Variants in MYOF observed in about 807,000 individuals in gnomAD.
MYOF encodes the protein fer-1-like 3, myoferlin.
In MYOF, 244 loss-of-function variants were observed where a neutral mutation model predicts 284.2. The observed-to-expected ratio is 0.86, with a 90% CI of 0.77 to 0.95. MYOF has a LOEUF of 0.95. Ranked by LOEUF, MYOF falls within the 40% of genes least tolerant of loss-of-function variation. The probability of loss-of-function intolerance (pLI) is 0.00; values close to 1 mark genes in which losing one functional copy is unlikely to be tolerated. For missense variants in MYOF, 2,496 were observed against 2,560.6 expected (o/e 0.97, Z 0.54); for synonymous variants, 904 against 919.7 (o/e 0.98, Z 0.31).
chr10:93,308,649 T>A (rs914241859), intron 53 of MYOF, among the ~76,000 whole-genome samples: 1 of 150,956 alleles, frequency 6.6e-6, no homozygotes, highest in Non-Finnish European at 1.5e-5. Context: ...TACTCATAGA[T>A]GACAAACTAG....
intron 1 of MYOF, among the ~76,000 whole-genome samples, chr10:93,471,113 A>C (rs986814540): frequency 6.6e-6 from 1 of 152,192 alleles, no homozygotes; most frequent in African/African-American, 2.4e-5. Context: ...TCGCCCTGCC[A>C]GTCAAATATT....
At chr10:93,436,886 G>A (rs141430350) in intron 3 of MYOF, among the ~76,000 whole-genome samples, 103 of 152,212 alleles carry the variant, frequency 6.8e-4, no homozygotes, top group Non-Finnish European at 1.3e-3. Context: ...TGACAGTGAG[G>A]GGGAAGCCTT....
At chr10:93,423,338 C>A (rs752133624) in intron 5 of MYOF, among the ~76,000 whole-genome samples, 17 of 150,894 alleles carry the variant, frequency 1.1e-4, no homozygotes, top group Non-Finnish European at 1.3e-4. Context: ...ACCAGCCTGA[C>A]CAACATGGTG....
chr10:93,342,639 CTTG>C (rs1447469881), intron 38 of MYOF, among the ~76,000 whole-genome samples: 2 of 152,196 alleles, frequency 1.3e-5, no homozygotes, highest in Admixed American at 1.3e-4. Context: ...ACTGGCATAG[CTTG>C]TTGACTTTAT....
intron 1 of MYOF, among the ~76,000 whole-genome samples, chr10:93,464,141 G>A (rs2056950162): frequency 6.6e-6 from 1 of 152,136 alleles, no homozygotes; most frequent in Non-Finnish European, 1.5e-5. Context: ...GGTCTTAAAA[G>A]CAAAAACTGG....
Position 93,408,913 on chromosome 10 carries a change from G to A in MYOF, c.603C>T (p.Ile201=), listed in dbSNP as rs773318160. 71 of 1,614,066 alleles carry A rather than the reference G, an allele frequency of 4.4e-5. No individual in the cohort carries two copies. Among genetic ancestry groups the A allele is most frequent in the Non-Finnish European group, 6.0e-5 (71 of 1,180,032 alleles). The change falls in exon 7 of 54, where the codon ATC becomes ATT. Residue 201 remains isoleucine (I), a splice_region_variant and synonymous_variant. Coordinates refer to ENST00000359263, the MANE Select transcript of MYOF (RefSeq NM_013451.4). ...GTCGGCCCTCAATCACTCGGACGCG[G>A]ATCTGCAGCACAGAAGGGGGATGGT... The part of the protein sequence containing the change: ...MLSNKPQDFQ[I]RVRVIEGRQL...
At chr10:93,461,852 C>T (rs185837759) in intron 1 of MYOF, among the ~76,000 whole-genome samples, 1 of 152,298 alleles carries the variant, frequency 6.6e-6, no homozygotes, top group East Asian at 1.9e-4. Flanking sequence ...TTTTATAACT[C>T]ATGAGAAAAA....
At chr10:93,397,164 G>T in intron 15 of MYOF, 83 bp downstream of exon 15, 1 of 1,250,376 alleles carries the variant, frequency 8.0e-7, no homozygotes, top group Non-Finnish European at 1.1e-6. Flanking sequence ...CAAAATACCA[G>T]AAAGAGACAA....
At chr10:93,316,940 T>A in intron 49 of MYOF, 127 bp from the exon 50 acceptor site, 1 of 689,184 alleles carries the variant, frequency 1.5e-6, no homozygotes, top group South Asian at 1.8e-5. Context: ...TGGGCCTAAA[T>A]CCTTCCACTC....
intron 17 of MYOF, 116 bp from the exon 18 acceptor site, chr10:93,389,270 G>A (rs1427397093): frequency 1.3e-5 from 16 of 1,193,714 alleles, no homozygotes; most frequent in Non-Finnish European, 1.8e-5. Context: ...GGAGTTAGTT[G>A]TATTAATGCA....
chr10:93,320,153 G>A, intron 48 of MYOF, 140 bp from the exon 49 acceptor site: 1 of 1,012,392 alleles, frequency 9.9e-7, no homozygotes, highest in East Asian at 2.6e-5. Flanking sequence ...CTTCGGAGCT[G>A]GGGGTGATTT....
At position 93,327,773 on chromosome 10, in the gene MYOF, T is replaced by C. The variant is rs183580232; in HGVS notation, c.5131+990A>G. Among the ~76,000 whole-genome samples the C allele has an allele frequency of 1.8e-4, 27 of 152,180 alleles. No homozygotes were observed. In the East Asian group the frequency reaches 4.6e-3, roughly 26 times the overall value. ...CATAAGTTTTTTTGTTTGTTTGTTT[T>C]TTGAGACAGGATCTCACTCTGTCGC... On this transcript the variant is annotated intron_variant, in intron 45 of 53. Transcript: ENST00000359263.
intron 1 of MYOF, among the ~76,000 whole-genome samples, chr10:93,477,720 G>A (rs996026182): frequency 2.4e-4 from 36 of 151,924 alleles, no homozygotes; most frequent in Middle Eastern, 3.4e-3. Flanking sequence ...GATGGCGGGC[G>A]CCTGTAATCC....
intron 3 of MYOF, among the ~76,000 whole-genome samples, chr10:93,444,909 C>T (rs1358582046): frequency 6.6e-6 from 1 of 152,216 alleles, no homozygotes; most frequent in Non-Finnish European, 1.5e-5. Flanking sequence ...CTCAAGTCTA[C>T]TCTCTACTTC....
At chr10:93,415,168 T>C (rs1439367838) in intron 5 of MYOF, among the ~76,000 whole-genome samples, 2 of 152,084 alleles carry the variant, frequency 1.3e-5, no homozygotes, top group Non-Finnish European at 2.9e-5. Context: ...GCTTTACCCC[T>C]ACCCCAGGTT....
chr10:93,333,231 C>G lies in MYOF; in HGVS notation c.4801G>C (p.Val1601Leu). 6.2e-7 allele frequency: 1 copy of G among 1,613,944 alleles called. No individual in the cohort carries two copies. Among genetic ancestry groups the G allele is most frequent in the Non-Finnish European group, 8.5e-7 (1 of 1,179,820 alleles). ...DHYIPNTLNP[V>L]FGRMYELSCY... ...AAGAATGTATATTACCTGCCAAAGA[C>G]TGGGTTGAGAGTGTTGGGAATGTAG... Residue 1601 changes from valine (V) to leucine (L), a missense_variant, in exon 43 of 54, where the codon GTC becomes CTC. Physicochemically the swap from Val to Leu is conservative, Grantham distance 32. Transcript: ENST00000359263.
chr10:93,360,059 C>T, intron 28 of MYOF, 81 bp from the exon 29 acceptor site: 1 of 1,522,354 alleles, frequency 6.6e-7, no homozygotes, highest in Non-Finnish European at 9.1e-7. Flanking sequence ...AACATTTGTT[C>T]ACTCTCCCTG....
chr10:93,471,584 C>T (rs182130368), intron 1 of MYOF, among the ~76,000 whole-genome samples: 1 of 152,232 alleles, frequency 6.6e-6, no homozygotes, highest in East Asian at 1.9e-4. Context: ...TCAATAATAC[C>T]TACTTCCTAA....
At position 93,462,023 on chromosome 10, in the gene MYOF, T is replaced by C. The variant is rs17108718; in HGVS notation, c.89-5086A>G. Among the ~76,000 whole-genome samples, 3,397 of 152,010 alleles carry C rather than the reference T, an allele frequency of 0.022. 171 individuals are homozygous for C. In the East Asian group the frequency reaches 0.24, roughly 11 times the overall value. On this transcript the variant is annotated intron_variant, in intron 1 of 53. Coordinates refer to ENST00000359263, the MANE Select transcript of MYOF (RefSeq NM_013451.4). ...TTCCTGCAGCTCCTGGCACTCATTG[T>C]GTGAGGTTGATGCTAATGGCATTAC...
Sources: allele counts gnomAD v4.1 joint callset (sites outside exome capture counted in the v4.1 genomes callset), GRCh38; gene constraint gnomAD v4.1.1; transcripts MANE v1.5; gene names NCBI Gene and HGNC (gene_info 2026-07-23, HGNC 2026-07-21).